NAV3: variants seen among roughly 807,000 people sequenced by gnomAD.
The protein encoded by NAV3 is pore membrane and/or filament interacting like protein 1.
NAV3 carries 87 observed loss-of-function variants against 244.7 expected under a neutral mutation model. That is an observed-to-expected ratio of 0.36 (90% CI 0.30 to 0.42). The LOEUF (loss-of-function observed/expected upper bound fraction) is 0.42. Ranked by LOEUF, NAV3 falls within the 20% of genes least tolerant of loss-of-function variation. NAV3 has a pLI of 1.00. For synonymous variants in NAV3, 1,126 were observed against 1,042.2 expected (o/e 1.08, Z -1.55); for missense variants, 2,663 against 2,893.3 (o/e 0.92, Z 1.83).
At chr12:78,101,347 T>C (rs1292460146) in intron 12 of NAV3, among the ~76,000 whole-genome samples, 3 of 152,186 alleles carry the variant, frequency 2.0e-5, no homozygotes, top group Non-Finnish European at 4.4e-5. Flanking sequence ...ATAAAGGGAA[T>C]GACATTTCAA....
chr12:78,108,187 C>T (rs1412552194), intron 12 of NAV3, among the ~76,000 whole-genome samples: 1 of 151,636 alleles, frequency 6.6e-6, no homozygotes, highest in Non-Finnish European at 1.5e-5. Flanking sequence ...GACTTTAAGT[C>T]AAAAAGAGTA....
intron 2 of NAV3, among the ~76,000 whole-genome samples, chr12:77,806,140 G>T (rs1042507640): frequency 6.6e-6 from 1 of 151,904 alleles, no homozygotes; most frequent in Non-Finnish European, 1.5e-5. Flanking sequence ...TTGATTTTTT[G>T]AAGGGTTTTT....
chr12:78,128,517 A>AT (rs1036735354), intron 17 of NAV3, among the ~76,000 whole-genome samples, 189 bp from the exon 18 acceptor site: 9 of 151,784 alleles, frequency 5.9e-5, no homozygotes, highest in African/African-American at 1.7e-4. Context: ...CCTTTATCTT[A>AT]TTTTTTTTCC....
In NAV3 at chr12:78,170,957, T is replaced by C. The variant is rs185860897; in HGVS notation, c.4981+2091T>C. The stretch of plus-strand genomic sequence containing the variant: ...AAGGTATGTCTTTCCTGATTTACAA[T>C]AGTAGAGCTTGTTTTTTCACCCTTT... On this transcript the variant is annotated intron_variant, in intron 24 of 39. Coordinates refer to ENST00000397909, the MANE Select transcript of NAV3 (RefSeq NM_001024383.2). 1.1e-3 allele frequency among the ~76,000 whole-genome samples: 170 copies of C among 151,844 alleles called. 1 individual carries two copies. The highest frequency in any genetic ancestry group is 4.0e-3 in the African/African-American group (164 of 41,516).
chr12:77,613,762 T>G (rs1441470493), intron 2 of NAV3, among the ~76,000 whole-genome samples: 5 of 152,164 alleles, frequency 3.3e-5, no homozygotes, highest in African/African-American at 1.2e-4. Context: ...CCTTTGGCAA[T>G]TTACTGAAGT....
chr12:78,147,817 A>T (rs1292019214), intron 21 of NAV3, among the ~76,000 whole-genome samples: 1 of 152,088 alleles, frequency 6.6e-6, no homozygotes, highest in African/African-American at 2.4e-5. Context: ...ACAGCATTCC[A>T]AAAGTTCAAC....
At chr12:78,175,203 G>C (rs561651605) in intron 24 of NAV3, 103 bp from the exon 25 acceptor site, 3 of 1,284,280 alleles carry the variant, frequency 2.3e-6, no homozygotes, top group East Asian at 2.4e-5. Flanking sequence ...ACAAAGCCTT[G>C]TTGACCTTTA....
rs1326731740 is a variant in NAV3 at position 77,831,191 on chromosome 12, G to GAGAC, written c.-267_-264dup. On this transcript the variant is annotated 5_prime_UTR_variant, in exon 1 of 40. Coordinates refer to ENST00000397909, the MANE Select transcript of NAV3 (RefSeq NM_001024383.2). ...AGACAGAGAGAGAGAGAGAGAGAGA[G>GAGAC]AGACAGAGAGAGAGAGAGAGAGAGA... 1.2e-5 allele frequency: 1 copy of GAGAC among 86,428 alleles called. No homozygotes were observed. Among genetic ancestry groups the GAGAC allele is most frequent in the African/African-American group, 4.4e-5 (1 of 22,934 alleles). The allele number at this position is 86,428 out of a possible 1,614,324, so 5.4% of individuals were successfully genotyped here.
intron 2 of NAV3, among the ~76,000 whole-genome samples, chr12:77,610,792 A>G (rs711115): frequency 0.34 from 50,944 of 151,842 alleles, 8,775 homozygotes; most frequent in Middle Eastern, 0.49. Context: ...TCCATGTACA[A>G]AGAGAAGCAA....
At chr12:78,064,865 T>C (rs990914778) in intron 12 of NAV3, among the ~76,000 whole-genome samples, 9 of 152,140 alleles carry the variant, frequency 5.9e-5, no homozygotes, top group African/African-American at 1.9e-4. Flanking sequence ...TGGAAATGCG[T>C]AAATGTGGAA....
At chr12:78,075,579 A>G (rs1432561075) in intron 12 of NAV3, among the ~76,000 whole-genome samples, 2 of 152,182 alleles carry the variant, frequency 1.3e-5, no homozygotes, top group Non-Finnish European at 2.9e-5. Flanking sequence ...ATCCAATGCA[A>G]AGATGGACTA....
At chr12:78,188,815 T>C in intron 33 of NAV3, 38 bp downstream of exon 33, 1 of 1,595,438 alleles carries the variant, frequency 6.3e-7, no homozygotes, top group Non-Finnish European at 8.6e-7. Flanking sequence ...GAAATATAAT[T>C]TTTAGCAACA....
At chr12:77,904,844 T>C (rs1301786069) in intron 1 of NAV3, among the ~76,000 whole-genome samples, 2 of 152,158 alleles carry the variant, frequency 1.3e-5, no homozygotes, top group Admixed American at 6.5e-5. Context: ...ATTACACTTA[T>C]GTCTACTGTA....
intron 2 of NAV3, among the ~76,000 whole-genome samples, chr12:77,579,849 C>T (rs4761388): frequency 0.23 from 35,514 of 152,070 alleles, 4,571 homozygotes; most frequent in East Asian, 0.45. Flanking sequence ...TTCTCGAATC[C>T]GACACTTTGT....
At chr12:77,642,825 A>G (rs696465) in intron 2 of NAV3, among the ~76,000 whole-genome samples, 5,246 of 152,258 alleles carry the variant, frequency 0.034, 95 homozygotes, top group Middle Eastern at 0.048. Context: ...ATCTTACTTC[A>G]GAAAGAAAAC....
intron 2 of NAV3, among the ~76,000 whole-genome samples, chr12:77,784,082 T>C (rs550112327): frequency 6.6e-6 from 1 of 152,144 alleles, no homozygotes; most frequent in Admixed American, 6.6e-5. Flanking sequence ...GCAATAATAC[T>C]AATTTAATAG....
intron 9 of NAV3, among the ~76,000 whole-genome samples, chr12:78,046,199 T>A (rs1025792741): frequency 5.9e-5 from 9 of 152,066 alleles, no homozygotes; most frequent in Admixed American, 5.9e-4. Context: ...ATTTATTGAT[T>A]TTTTGAAGGG....
chr12:77,998,579 T>C, intron 7 of NAV3, 103 bp downstream of exon 7: 1 of 1,247,430 alleles, frequency 8.0e-7, no homozygotes, highest in Non-Finnish European at 1.1e-6. Flanking sequence ...GGCCTAGAGA[T>C]GTTATCAGTG....
chr12:77,613,663 T>C (rs969801122), intron 2 of NAV3, among the ~76,000 whole-genome samples: 6 of 152,130 alleles, frequency 3.9e-5, no homozygotes, highest in African/African-American at 1.4e-4. Flanking sequence ...TTCTCAGTGT[T>C]TGTGGGTGAG....
Sources: gnomAD v4.1 joint callset for allele counts (sites outside exome capture counted in the v4.1 genomes callset) on GRCh38, gnomAD v4.1.1 for gene constraint, MANE v1.5 for transcripts, NCBI Gene and HGNC (gene_info 2026-07-23, HGNC 2026-07-21) for gene names.